The following SRI variants were observed in gnomAD, a reference collection of about 807,000 sequenced individuals.
The protein encoded by SRI is 22 kDa protein.
In SRI, 30 loss-of-function variants were observed where a neutral mutation model predicts 33.3. That is an observed-to-expected ratio of 0.90 (90% CI 0.67 to 1.22). The LOEUF (loss-of-function observed/expected upper bound fraction) is 1.22. Among genes scored for constraint, SRI ranks in the 50% most tolerant of loss-of-function variants. The pLI is 0.00. For missense variants in SRI, 243 were observed against 250.8 expected (o/e 0.97, Z 0.21); for synonymous variants, 75 against 89.9 (o/e 0.83, Z 0.94).
At chr7:88,217,033 C>T in intron 3 of SRI, 89 bp downstream of exon 3, 1 of 1,187,906 alleles carries the variant, frequency 8.4e-7, no homozygotes, top group Non-Finnish European at 1.3e-6. Context: ...CCGACAAGCT[C>T]AGTTTTCTTG....
chr7:88,219,807 G>A (rs1386990500), intron 1 of SRI, among the ~76,000 whole-genome samples, 169 bp downstream of exon 1: 2 of 152,176 alleles, frequency 1.3e-5, no homozygotes, highest in African/African-American at 4.8e-5. Flanking sequence ...GGGAGAGGCC[G>A]AACCCCAGGG....
intron 3 of SRI, among the ~76,000 whole-genome samples, chr7:88,216,323 CAG>C (rs755351046): frequency 5.9e-5 from 9 of 151,990 alleles, no homozygotes; most frequent in Non-Finnish European, 1.3e-4. Context: ...CAGCTCATGG[CAG>C]AGTGTTCAAA....
rs1851414858 is a variant in SRI at position 88,205,226 on chromosome 7, ATAGAC to A, written c.*1247_*1251del. The A allele has an allele frequency of 6.6e-6, 1 of 152,238 alleles. No individual in the cohort carries two copies. The highest frequency in any genetic ancestry group is 2.4e-5 in the African/African-American group (1 of 41,466). The allele number at this position is 152,238 out of a possible 1,614,324, so 9.4% of individuals were successfully genotyped here. A position where few individuals can be genotyped will look rare whatever the true frequency, so the allele number is the denominator to read the frequency against. ...CAGATACTCTGCTGGCAAGTAGAAA[ATAGAC>A]TAATTTCATTTTTTATCTGTTAAGC... On this transcript the variant is annotated 3_prime_UTR_variant, in exon 8 of 8. Coordinates refer to ENST00000265729, the MANE Select transcript of SRI (RefSeq NM_003130.4).
intron 7 of SRI, 29 bp from the exon 8 acceptor site, chr7:88,206,533 G>T (rs1320554478): frequency 6.2e-7 from 1 of 1,613,316 alleles, no homozygotes; most frequent in Non-Finnish European, 8.5e-7. Flanking sequence ...TTATATGACA[G>T]ACCTCAAAGC....
rs560920197 is a variant in SRI, at chr7:88,211,708, A to G, written c.206-783T>C. On this transcript the variant is annotated intron_variant, in intron 3 of 7. Coordinates refer to ENST00000265729, the MANE Select transcript of SRI (RefSeq NM_003130.4). ...AGTAACCTCCTACCTCAAATAGTCT[A>G]TGACCTCTTAGCTTATATATGAAAC... is the stretch of plus-strand genomic sequence containing the variant. 2.0e-5 allele frequency among the ~76,000 whole-genome samples: 3 copies of G among 152,340 alleles called. No homozygotes were observed. In the East Asian group the frequency reaches 5.8e-4, roughly 29 times the overall value.
Position 88,220,018 on chromosome 7 carries a change from G to C in SRI, c.9C>G (p.Tyr3Ter). 1 of 1,533,032 alleles carries C rather than the reference G, an allele frequency of 6.5e-7. No individual in the cohort carries two copies. Among genetic ancestry groups the C allele is most frequent in the Non-Finnish European group, 8.7e-7 (1 of 1,145,256 alleles). The allele number at this position is 1,533,032 out of a possible 1,614,324, so 95.0% of individuals were successfully genotyped here. A position where few individuals can be genotyped will look rare whatever the true frequency, so the allele number is the denominator to read the frequency against. Residue 3 changes from tyrosine to a stop codon, truncating the protein, a stop_gained, in exon 1 of 8, where the codon TAC becomes TAG. Transcript: ENST00000265729. LOFTEE classifies it high-confidence loss of function. ...CGCCGCCGGCGCCAGGATGCCCCGG[G>C]TACGCCATGCTGCAGACTGCGCCGC... MA[Y>*]PGHPGAGGGY...
chr7:88,213,824 T>C (rs1020025486), intron 3 of SRI, among the ~76,000 whole-genome samples: 23 of 152,200 alleles, frequency 1.5e-4, no homozygotes, highest in South Asian at 4.1e-4. Context: ...TCTTTACTAA[T>C]GCTCAAAAAT....
chr7:88,225,229 A>G (rs569712615), intron 1 of SRI, among the ~76,000 whole-genome samples: 33 of 152,364 alleles, frequency 2.2e-4, no homozygotes, highest in African/African-American at 7.2e-4. Context: ...TTAACCAGGA[A>G]GCTGATGTTG....
At chr7:88,226,817 A>G in intron 1 of SRI, 1 of 1,393,846 alleles carries the variant, frequency 7.2e-7, no homozygotes. Context: ...TAGAACTACA[A>G]AGATTAGGAA....
At chr7:88,206,768 T>C (rs892222270) in intron 7 of SRI, among the ~76,000 whole-genome samples, 5 of 152,168 alleles carry the variant, frequency 3.3e-5, no homozygotes, top group African/African-American at 9.7e-5. Flanking sequence ...AATAATTATT[T>C]GAATAATTAT....
At chr7:88,218,827 ACGGC>A in intron 2 of SRI, 28 bp downstream of exon 2, 2 of 1,599,648 alleles carry the variant, frequency 1.3e-6, no homozygotes, top group Non-Finnish European at 1.7e-6. Context: ...GCAGACAATA[ACGGC>A]TCTTTAATAT....
intron 6 of SRI, 54 bp downstream of exon 6, chr7:88,209,285 G>A (rs1378522498): frequency 1.4e-6 from 2 of 1,415,858 alleles, no homozygotes; most frequent in Admixed American, 1.8e-5. Flanking sequence ...GAGATGAAAT[G>A]TAATAAAAAC....
intron 1 of SRI, among the ~76,000 whole-genome samples, chr7:88,226,719 G>T (rs1852006452): frequency 6.6e-6 from 1 of 152,130 alleles, no homozygotes; most frequent in Non-Finnish European, 1.5e-5. Flanking sequence ...GTAGTTACTT[G>T]CCTCTTTTCC....
Position 88,218,707 on chromosome 7 carries a change from TAAAA to T in SRI, c.135+148_135+151del. 4.5e-6 allele frequency: 3 copies of T among 667,040 alleles called. No homozygotes were observed. The Admixed American group carries it at 8.0e-5, about 18-fold the overall frequency. The allele number at this position is 667,040 out of a possible 1,614,324, so 41.3% of individuals were successfully genotyped here. A position where few individuals can be genotyped will look rare whatever the true frequency, so the allele number is the denominator to read the frequency against. On this transcript the variant is annotated intron_variant, in intron 2 of 7. Transcript: ENST00000265729. ...CTCATTTATTCTGAACATTCAGAAATAAAAAACTAAAATAAGAAACAACTTTTTT... is the reference window on the plus strand; with the variant it reads ...CTCATTTATTCTGAACATTCAGAAATAACTAAAATAAGAAACAACTTTTTT...
chr7:88,220,155 T>A (rs1410709148), upstream of SRI: 6 of 1,340,496 alleles, frequency 4.5e-6, no homozygotes, highest in Non-Finnish European at 5.7e-6. Context: ...CGCTCCGCAG[T>A]CGTCTCCAGC....
chr7:88,210,787 T>G (rs901147779), intron 4 of SRI, 95 bp downstream of exon 4: 52 of 1,211,820 alleles, frequency 4.3e-5, no homozygotes, highest in Non-Finnish European at 2.1e-5. Flanking sequence ...TAGTGATCAT[T>G]TATTACTTTG....
intron 2 of SRI, among the ~76,000 whole-genome samples, chr7:88,217,876 T>G (rs191534560): frequency 6.6e-6 from 1 of 152,220 alleles, no homozygotes; most frequent in East Asian, 1.9e-4. Flanking sequence ...GTCTTGAGGT[T>G]TGCCATGCCT....
At chr7:88,207,002 C>T (rs1586709742) in intron 7 of SRI, among the ~76,000 whole-genome samples, 1 of 152,168 alleles carries the variant, frequency 6.6e-6, no homozygotes, top group African/African-American at 2.4e-5. Flanking sequence ...AGAAACAGAA[C>T]AGCTAACCCT....
intron 3 of SRI, among the ~76,000 whole-genome samples, chr7:88,213,361 T>TTACTCTTG (rs1361675355): frequency 2.0e-5 from 3 of 152,350 alleles, no homozygotes; most frequent in African/African-American, 7.2e-5. Context: ...GGCTCATCTC[T>TTACTCTTG]TACTCTTGTT....
Sources: allele counts gnomAD v4.1 joint callset (sites outside exome capture counted in the v4.1 genomes callset), GRCh38; gene constraint gnomAD v4.1.1; transcripts MANE v1.5; gene names NCBI Gene and HGNC (gene_info 2026-07-23, HGNC 2026-07-21).